The following TUSC3 variants were observed in gnomAD, a reference collection of about 807,000 sequenced individuals.
TUSC3 encodes tumor suppressor candidate 3, also known as dolichyl-diphosphooligosaccharide--protein glycosyltransferase subunit TUSC3.
Under a neutral mutation model 44.8 loss-of-function variants are expected in TUSC3, and 45 were observed. The observed-to-expected ratio is 1.00, with a 90% CI of 0.79 to 1.29. The LOEUF is 1.29. Among genes scored for constraint, TUSC3 ranks in the 50% most tolerant of loss-of-function variants. The pLI is 0.00. For synonymous variants in TUSC3, 212 were observed against 152.9 expected, an observed-to-expected ratio of 1.39 and a Z score of -2.85; for missense variants, 519 against 437.9, an observed-to-expected ratio of 1.19 and a Z score of -1.65.
chr8:15,688,450 C>G (rs1007282153), intron 6 of TUSC3, among the ~76,000 whole-genome samples: 1 of 86,828 alleles, frequency 1.2e-5, no homozygotes, highest in Non-Finnish European at 2.3e-5. Flanking sequence ...TTTTTTTTAA[C>G]TTTTAGGTTC....
intron 1 of TUSC3, among the ~76,000 whole-genome samples, chr8:15,621,352 C>T (rs776696453): frequency 4.0e-5 from 6 of 151,136 alleles, no homozygotes; most frequent in Non-Finnish European, 7.4e-5. Flanking sequence ...AACCTCACTT[C>T]GCTTCTCAAA....
At chr8:15,516,954 C>T (rs965562679) in intron 2 of TUSC3, among the ~76,000 whole-genome samples, 7 of 152,050 alleles carry the variant, frequency 4.6e-5, no homozygotes, top group Admixed American at 1.3e-4. Context: ...GAATTGAATA[C>T]TGTGTAAAAA....
chr8:15,423,875 G>A (rs779819652), intron 1 of TUSC3, among the ~76,000 whole-genome samples: 1 of 151,828 alleles, frequency 6.6e-6, no homozygotes, highest in Non-Finnish European at 1.5e-5. Context: ...TTGAGAGAAG[G>A]CGGGATTACC....
At chr8:15,659,241 A>G (rs1286691499) in intron 3 of TUSC3, among the ~76,000 whole-genome samples, 3 of 152,130 alleles carry the variant, frequency 2.0e-5, no homozygotes, top group Non-Finnish European at 4.4e-5. Context: ...AAAAGAACGA[A>G]ATGACTTACA....
chr8:15,555,336 C>T (rs1289742479), intron 1 of TUSC3, among the ~76,000 whole-genome samples: 1 of 122,042 alleles, frequency 8.2e-6, no homozygotes. Flanking sequence ...GCTCTGTTGC[C>T]CAGGCTGGAG....
intron 1 of TUSC3, among the ~76,000 whole-genome samples, chr8:15,564,141 A>C (rs1554515129): frequency 6.6e-6 from 1 of 151,906 alleles, no homozygotes; most frequent in Non-Finnish European, 1.5e-5. Flanking sequence ...ATTAGTTTAG[A>C]TTTTTTTTCT....
intron 2 of TUSC3, among the ~76,000 whole-genome samples, chr8:15,485,593 A>G (rs778687538): frequency 1.6e-4 from 24 of 151,368 alleles, no homozygotes; most frequent in Admixed American, 4.6e-4. Context: ...ATACCTAATC[A>G]TGGGTACTTT....
chr8:15,815,072 TATATAAGTAATGAG>T, the TUSC3 span, among the ~76,000 whole-genome samples: 2 of 152,286 alleles, frequency 1.3e-5, no homozygotes, highest in South Asian at 4.1e-4. Context: ...GACAATGTAG[TATATAAGTAATGAG>T]ATATAAGTAA....
At chr8:15,608,512 T>C (rs1233798671) in intron 1 of TUSC3, among the ~76,000 whole-genome samples, 1 of 152,136 alleles carries the variant, frequency 6.6e-6, no homozygotes, top group Non-Finnish European at 1.5e-5. Context: ...TACCTTTGTA[T>C]ATTGATATGG....
At chr8:15,714,994 C>T (rs1423930891) in intron 6 of TUSC3, among the ~76,000 whole-genome samples, 2 of 152,110 alleles carry the variant, frequency 1.3e-5, no homozygotes, top group Non-Finnish European at 2.9e-5. Context: ...TATTATACAA[C>T]GTTGCATTTG....
chr8:15,585,952 C>T lies in TUSC3; in HGVS notation c.139-37128C>T, dbSNP rs189465743. On this transcript the variant is annotated intron_variant, in intron 1 of 10. Transcript: ENST00000503731. Reference sequence around the variant, plus strand: ...GATGGGATCACCCATAGAATTCCTACGGAATAAAGAGAGAAGATGGCTGAA... The same window carrying T: ...GATGGGATCACCCATAGAATTCCTATGGAATAAAGAGAGAAGATGGCTGAA... Among the ~76,000 whole-genome samples the T allele has an allele frequency of 5.3e-5, 8 of 151,726 alleles. No individual in the cohort carries two copies. In the East Asian group the frequency reaches 7.8e-4, roughly 15 times the overall value.
chr8:15,522,857 T>C (rs182692674), intron 2 of TUSC3, among the ~76,000 whole-genome samples: 5 of 152,328 alleles, frequency 3.3e-5, no homozygotes, highest in Admixed American at 2.6e-4. Context: ...CAAGCTTGTC[T>C]ACACAAATGT....
the TUSC3 span, among the ~76,000 whole-genome samples, chr8:15,844,957 T>G: frequency 1.3e-5 from 2 of 152,110 alleles, no homozygotes; most frequent in African/African-American, 4.8e-5. Context: ...ATATATTACC[T>G]TGGCATTTCA....
At chr8:15,593,772 G>C (rs760571728) in intron 1 of TUSC3, among the ~76,000 whole-genome samples, 1 of 151,438 alleles carries the variant, frequency 6.6e-6, no homozygotes, top group Non-Finnish European at 1.5e-5. Context: ...CCTTTTCTTT[G>C]ATTCTTTATG....
intron 1 of TUSC3, among the ~76,000 whole-genome samples, chr8:15,594,957 C>A (rs904293724): frequency 1.3e-5 from 2 of 152,010 alleles, no homozygotes; most frequent in Non-Finnish European, 2.9e-5. Context: ...ATTGAGGGAC[C>A]CTGGAAAGTT....
At chr8:15,550,964 G>T (rs1262337551) in intron 1 of TUSC3, among the ~76,000 whole-genome samples, 1 of 151,670 alleles carries the variant, frequency 6.6e-6, no homozygotes, top group Non-Finnish European at 1.5e-5. Flanking sequence ...AAATAAAATG[G>T]TAACTTACAA....
chr8:15,850,345 G>A, the TUSC3 span, among the ~76,000 whole-genome samples: 1 of 151,890 alleles, frequency 6.6e-6, no homozygotes, highest in East Asian at 1.9e-4. Flanking sequence ...CCCATTTTAG[G>A]TTTGTTCTCC....
chr8:15,450,789 G>A (rs1363949968), intron 1 of TUSC3, among the ~76,000 whole-genome samples: 1 of 152,198 alleles, frequency 6.6e-6, no homozygotes, highest in Non-Finnish European at 1.5e-5. Flanking sequence ...AGAAACAGAT[G>A]TTGGCTTACT....
At chr8:15,809,298 C>G in the TUSC3 span, among the ~76,000 whole-genome samples, 1 of 152,174 alleles carries the variant, frequency 6.6e-6, no homozygotes, top group Non-Finnish European at 1.5e-5. Flanking sequence ...AACATAGTTA[C>G]TTGTCCTTTA....
Sources: gnomAD v4.1 joint callset for allele counts (sites outside exome capture counted in the v4.1 genomes callset) on GRCh38, gnomAD v4.1.1 for gene constraint, MANE v1.5 for transcripts, NCBI Gene and HGNC (gene_info 2026-07-23, HGNC 2026-07-21) for gene names.